CDH13: variants seen among roughly 807,000 people sequenced by gnomAD.
CDH13 encodes cadherin-13.
Under a neutral mutation model 63.8 loss-of-function variants are expected in CDH13, and 24 were observed. The ratio of observed to expected loss-of-function variants is 0.38; its 90% CI spans 0.27 to 0.53. The LOEUF (loss-of-function observed/expected upper bound fraction) is 0.53, where lower values mean the gene tolerates loss of function less well. CDH13 is among the 20% of genes least tolerant of loss of function. The pLI is 0.85. For missense variants in CDH13, 1,049 were observed against 903.1 expected, an observed-to-expected ratio of 1.16 and a Z score of -2.07; for synonymous variants, 503 against 355.3, an observed-to-expected ratio of 1.42 and a Z score of -4.67.
chr16:83,036,143 CTT>C (rs34375178), intron 3 of CDH13, among the ~76,000 whole-genome samples: 1,265 of 90,832 alleles, frequency 0.014, 22 homozygotes, highest in African/African-American at 0.06. Flanking sequence ...GAGCTCTCCT[CTT>C]TTTTTTTTTT....
chr16:83,259,959 G>A (rs1416669343), intron 5 of CDH13, among the ~76,000 whole-genome samples: 2 of 152,004 alleles, frequency 1.3e-5, no homozygotes, highest in East Asian at 3.9e-4. Flanking sequence ...TCTAACAATT[G>A]AAAGAGGACA....
intron 11 of CDH13, among the ~76,000 whole-genome samples, chr16:83,757,435 G>C (rs1163748767): frequency 6.6e-6 from 1 of 151,972 alleles, no homozygotes; most frequent in Non-Finnish European, 1.5e-5. Flanking sequence ...AAGATTAGCT[G>C]GATACAGTGG....
chr16:83,389,155 T>C (rs965391027), intron 6 of CDH13, among the ~76,000 whole-genome samples: 36 of 152,332 alleles, frequency 2.4e-4, no homozygotes, highest in African/African-American at 8.2e-4. Context: ...ATCACTCAGA[T>C]TGCTTTTCAT....
chr16:83,309,272 T>G (rs770238784), intron 5 of CDH13, among the ~76,000 whole-genome samples: 1 of 152,198 alleles, frequency 6.6e-6, no homozygotes, highest in African/African-American at 2.4e-5. Flanking sequence ...TACTGGGATC[T>G]TTGGGAAAAG....
chr16:83,549,035 C>T (rs1045011285), intron 7 of CDH13, among the ~76,000 whole-genome samples: 6 of 152,204 alleles, frequency 3.9e-5, no homozygotes, highest in African/African-American at 1.4e-4. Flanking sequence ...TGGCTGTGTG[C>T]TTGTCAGTGC....
chr16:82,651,669 G>A (rs1910736591), intron 1 of CDH13, among the ~76,000 whole-genome samples: 3 of 152,210 alleles, frequency 2.0e-5, no homozygotes, highest in South Asian at 2.1e-4. Context: ...GGGTAGGTAC[G>A]CCATTGGAAC....
At chr16:83,324,525 C>T (rs2090316296) in intron 5 of CDH13, among the ~76,000 whole-genome samples, 2 of 152,292 alleles carry the variant, frequency 1.3e-5, no homozygotes, top group East Asian at 1.9e-4. Flanking sequence ...TGAGTAGCTT[C>T]GTTCACTTAG....
chr16:83,455,124 G>C (rs2072987182), intron 6 of CDH13, among the ~76,000 whole-genome samples: 3 of 152,344 alleles, frequency 2.0e-5, no homozygotes, highest in Non-Finnish European at 4.4e-5. Context: ...AGAGATTGTA[G>C]AGTTTGCTCA....
intron 7 of CDH13, among the ~76,000 whole-genome samples, chr16:83,555,512 A>T (rs2075583712): frequency 6.6e-6 from 1 of 152,198 alleles, no homozygotes; most frequent in Non-Finnish European, 1.5e-5. Flanking sequence ...TGTTCACTGG[A>T]AAAGCCGAAA....
In CDH13 at chr16:83,164,787, G is replaced by C. The variant is rs961811645; in HGVS notation, c.483+39286G>C. 4.6e-5 allele frequency among the ~76,000 whole-genome samples: 7 copies of C among 151,628 alleles called. 1 individual carries two copies. The Middle Eastern group carries it at 0.01, about 224-fold the overall frequency. On this transcript the variant is annotated intron_variant, in intron 4 of 13. Transcript: ENST00000567109. ...ACAATAACAGCTTCTGCCAGTAATA[G>C]AGACTACCAATAACCAATGCTATTT...
intron 10 of CDH13, among the ~76,000 whole-genome samples, chr16:83,733,537 C>A (rs1032297591): frequency 1.4e-4 from 21 of 152,320 alleles, no homozygotes; most frequent in Admixed American, 1.4e-3. Context: ...AGCTTCAAGT[C>A]ATAATGCGAG....
Position 83,003,856 on chromosome 16 carries a change from G to A in CDH13, c.158-28154G>A, listed in dbSNP as rs148255324. ...ACCCTAAATAATTCTGTATAAATAAGAGCTTACATATCTATGATGCCTCTC... is the reference window on the plus strand; with the variant it reads ...ACCCTAAATAATTCTGTATAAATAAAAGCTTACATATCTATGATGCCTCTC... On this transcript the variant is annotated intron_variant, in intron 2 of 13. Coordinates refer to ENST00000567109, the MANE Select transcript of CDH13 (RefSeq NM_001257.5). Among the ~76,000 whole-genome samples, 17 of 152,296 alleles carry A rather than the reference G, an allele frequency of 1.1e-4. No individual in the cohort carries two copies. The East Asian group carries it at 3.3e-3, about 29-fold the overall frequency.
intron 6 of CDH13, among the ~76,000 whole-genome samples, chr16:83,406,459 T>TTC (rs1188131277): frequency 6.7e-6 from 1 of 149,914 alleles, no homozygotes; most frequent in African/African-American, 2.5e-5. Flanking sequence ...CTTTCTCTTT[T>TTC]TCTCTCTCTC....
intron 4 of CDH13, among the ~76,000 whole-genome samples, chr16:83,150,931 T>G (rs2036953455): frequency 6.6e-6 from 1 of 152,202 alleles, no homozygotes; most frequent in South Asian, 2.1e-4. Context: ...ATTATCTGCC[T>G]CTGTCCCTGA....
intron 1 of CDH13, among the ~76,000 whole-genome samples, chr16:82,748,110 A>G (rs2034257449): frequency 6.6e-6 from 1 of 152,168 alleles, no homozygotes; most frequent in Non-Finnish European, 1.5e-5. Context: ...CCTATTTGAC[A>G]GAGCAGCTGC....
At chr16:83,266,109 G>C (rs1020412206) in intron 5 of CDH13, among the ~76,000 whole-genome samples, 1 of 151,934 alleles carries the variant, frequency 6.6e-6, no homozygotes, top group Non-Finnish European at 1.5e-5. Flanking sequence ...GCTAATTTTT[G>C]TGTTTTTAGT....
At chr16:83,602,324 T>G in intron 7 of CDH13, 130 bp from the exon 8 acceptor site, 1 of 873,454 alleles carries the variant, frequency 1.1e-6, no homozygotes, top group East Asian at 2.4e-5. Context: ...AAAAATGTTA[T>G]CACTCTTTAA....
intron 2 of CDH13, among the ~76,000 whole-genome samples, chr16:83,009,346 A>G (rs919891706): frequency 6.6e-6 from 1 of 152,210 alleles, no homozygotes; most frequent in Non-Finnish European, 1.5e-5. Context: ...TGTTTAGATT[A>G]TGATATTTAT....
chr16:83,132,676 C>T (rs1403314435), intron 4 of CDH13, among the ~76,000 whole-genome samples: 2 of 152,074 alleles, frequency 1.3e-5, no homozygotes, highest in African/African-American at 2.4e-5. Context: ...GATCCATCTG[C>T]CTCGGCCTCC....
Sources: allele counts gnomAD v4.1 joint callset (sites outside exome capture counted in the v4.1 genomes callset), GRCh38; gene constraint gnomAD v4.1.1; transcripts MANE v1.5; gene names NCBI Gene and HGNC (gene_info 2026-07-23, HGNC 2026-07-21).